Variants in SETD5 observed in about 807,000 individuals in gnomAD.
SETD5 encodes SET domain containing 5, also known as histone-lysine N-methyltransferase SETD5.
A neutral mutation model predicts 153.3 loss-of-function variants in SETD5; 44 were observed. The observed-to-expected ratio is 0.29, with a 90% CI of 0.23 to 0.37. The LOEUF (loss-of-function observed/expected upper bound fraction) is 0.37. SETD5 is among the 10% of genes least tolerant of loss of function. The pLI is 1.00. For missense variants in SETD5, 1,544 were observed against 1,768.0 expected, an observed-to-expected ratio of 0.87 and a Z score of 2.27; for synonymous variants, 716 against 645.2, an observed-to-expected ratio of 1.11 and a Z score of -1.66.
intron 1 of SETD5, among the ~76,000 whole-genome samples, chr3:9,422,932 C>T (rs185817628): frequency 1.3e-5 from 2 of 152,278 alleles, no homozygotes; most frequent in Admixed American, 1.3e-4. Flanking sequence ...GCATATGAGG[C>T]CTGTTCTCTT....
At position 9,434,669 on chromosome 3, in the gene SETD5, T is replaced by C; in HGVS notation, c.330-155T>C. On this transcript the variant is annotated intron_variant, in intron 5 of 22. Transcript: ENST00000402198. This position sits in a 1 kb window ranked among gnomAD's most constrained non-coding sequence, Gnocchi z 5.6. ...ACAACAAGGAATGAGAGATTGATGT[T>C]AAAGCTATTGAATTTGATATGAAAT... 6.1e-6 allele frequency: 9 copies of C among 1,465,682 alleles called. No individual in the cohort carries two copies. The highest frequency in any genetic ancestry group is 8.1e-6 in the Non-Finnish European group (9 of 1,108,606). 90.8% of individuals were successfully genotyped at this position (1,465,682 alleles called of 1,614,324 possible). A position where few individuals can be genotyped will look rare whatever the true frequency, so the allele number is the denominator to read the frequency against.
chr3:9,475,710 G>A lies in SETD5; in HGVS notation c.3948G>A (p.Gly1316=). ...CAGACTCGTTGGCCCCATTTACGGG[G>A]ACACCAGGGTATTTTAGCAGCCAGC... ...VSTDSLAPFT[G]TPGYFSSQPH... is the part of the protein sequence containing the mutation. The change falls in exon 23 of 23, where the codon GGG becomes GGA. Residue 1316 remains glycine, a synonymous_variant. Coordinates refer to ENST00000402198, the MANE Select transcript of SETD5 (RefSeq NM_001080517.3). 6.2e-7 allele frequency: 1 copy of A among 1,613,920 alleles called. No individual in the cohort carries two copies. The highest frequency in any genetic ancestry group is 8.5e-7 in the Non-Finnish European group (1 of 1,179,884).
intron 18 of SETD5, 144 bp from the exon 19 acceptor site, chr3:9,470,315 T>C (rs534491691): frequency 2.5e-5 from 17 of 674,558 alleles, no homozygotes; most frequent in African/African-American, 2.5e-4. Flanking sequence ...CGTGGGACTT[T>C]TACAGAATAT....
intron 16 of SETD5, among the ~76,000 whole-genome samples, chr3:9,451,789 G>A (rs10510399): frequency 0.064 from 9,751 of 152,148 alleles, 1,057 homozygotes; most frequent in African/African-American, 0.22. Flanking sequence ...TCCAAAACCT[G>A]TATTGCTTCC....
At chr3:9,471,877 G>GT (rs2045340423) in intron 19 of SETD5, among the ~76,000 whole-genome samples, 2 of 152,078 alleles carry the variant, frequency 1.3e-5, no homozygotes, top group South Asian at 2.1e-4. Context: ...AAACCTAGTG[G>GT]TTTTTTTATA....
At chr3:9,447,577 C>T (rs761052412) in intron 14 of SETD5, 109 bp from the exon 15 acceptor site, 1 of 1,254,224 alleles carries the variant, frequency 8.0e-7, no homozygotes, top group Non-Finnish European at 1.1e-6. Context: ...TGTTTCTAAT[C>T]CTTATATTTT....
At chr3:9,401,914 A>G (rs2034845115) in intron 1 of SETD5, among the ~76,000 whole-genome samples, 1 of 152,220 alleles carries the variant, frequency 6.6e-6, no homozygotes, top group African/African-American at 2.4e-5. Flanking sequence ...ATTTAGTGAT[A>G]TAACTGGTAG....
intron 18 of SETD5, chr3:9,464,956 G>A (rs2044382063): frequency 6.7e-6 from 3 of 450,212 alleles, no homozygotes; most frequent in African/African-American, 5.9e-5. Context: ...AAGCATGCTA[G>A]ATCTCCATCG....
intron 1 of SETD5, among the ~76,000 whole-genome samples, chr3:9,410,186 C>G (rs1649039406): frequency 6.6e-6 from 1 of 152,114 alleles, no homozygotes; most frequent in Admixed American, 6.5e-5. Context: ...CAGCATGTGA[C>G]CACTGGATAC....
chr3:9,442,750 G>A, intron 10 of SETD5: 1 of 170,194 alleles, frequency 5.9e-6, no homozygotes, highest in Non-Finnish European at 1.3e-5. Context: ...TATAAGATGT[G>A]AAAGCGGCTG....
At chr3:9,406,630 C>G (rs2035746187) in intron 1 of SETD5, among the ~76,000 whole-genome samples, 2 of 140,320 alleles carry the variant, frequency 1.4e-5, no homozygotes, top group African/African-American at 5.8e-5. Flanking sequence ...AAGAATAGAT[C>G]TGAGGAAAAT....
chr3:9,414,575 T>A (rs1230853441), intron 1 of SETD5, among the ~76,000 whole-genome samples: 3 of 152,194 alleles, frequency 2.0e-5, no homozygotes, highest in Non-Finnish European at 4.4e-5. Context: ...ATATACATTG[T>A]TTAGTCCTGT....
intron 1 of SETD5, among the ~76,000 whole-genome samples, chr3:9,401,847 C>G (rs1461789970): frequency 1.3e-5 from 2 of 152,172 alleles, no homozygotes; most frequent in Admixed American, 6.5e-5. Context: ...AAAACTGAAA[C>G]TTCTTGACCA....
At chr3:9,457,468 T>C (rs943749464) in intron 17 of SETD5, among the ~76,000 whole-genome samples, 2 of 151,720 alleles carry the variant, frequency 1.3e-5, no homozygotes, top group Non-Finnish European at 2.9e-5. Context: ...GCCTGGGCAA[T>C]AGAGTGAGAC....
At chr3:9,466,253 A>T (rs1308994155) in intron 18 of SETD5, among the ~76,000 whole-genome samples, 2 of 143,576 alleles carry the variant, frequency 1.4e-5, no homozygotes, top group Non-Finnish European at 3.0e-5. Flanking sequence ...GCGCCATTGC[A>T]CTCCAGCCTG....
intron 18 of SETD5, among the ~76,000 whole-genome samples, chr3:9,466,234 G>C (rs2044550668): frequency 6.9e-6 from 1 of 145,876 alleles, no homozygotes; most frequent in African/African-American, 2.6e-5. Flanking sequence ...CTTGCAGTGA[G>C]CCGAGATCGC....
intron 18 of SETD5, among the ~76,000 whole-genome samples, chr3:9,465,856 T>A (rs1170135650): frequency 6.6e-6 from 1 of 152,230 alleles, no homozygotes; most frequent in Non-Finnish European, 1.5e-5. Context: ...TTTGTCTACT[T>A]GCAATTGACT....
At chr3:9,468,459 T>G in intron 18 of SETD5, 1 of 1,290,582 alleles carries the variant, frequency 7.7e-7, no homozygotes, top group Admixed American at 2.3e-5. Flanking sequence ...ATTTTTTGTT[T>G]TGTTTTGCTT....
Position 9,440,650 on chromosome 3 carries a change from T to G in SETD5, c.762T>G (p.Asn254Lys), listed in dbSNP as rs1251698010. The G allele has an allele frequency of 6.8e-6, 11 of 1,613,704 alleles. No homozygotes were observed. Among genetic ancestry groups the G allele is most frequent in the Non-Finnish European group, 8.5e-6 (10 of 1,179,818 alleles). The part of the protein sequence containing the change: ...VGKPTILDTI[N>K]KTELACNNTV... ...AACCTACTATTTTAGACACTATTAATAAGACTGAATTGGCCTGTAATAACA... is the reference window on the plus strand; with the variant it reads ...AACCTACTATTTTAGACACTATTAAGAAGACTGAATTGGCCTGTAATAACA... The change falls in exon 8 of 23, where the codon AAT becomes AAG. Residue 254 changes from asparagine to lysine, a missense_variant. Physicochemically the swap from Asn to Lys is moderately conservative, Grantham distance 94. Coordinates refer to ENST00000402198, the MANE Select transcript of SETD5 (RefSeq NM_001080517.3).
Sources: gnomAD v4.1 joint callset for allele counts (sites outside exome capture counted in the v4.1 genomes callset) on GRCh38, gnomAD v4.1.1 for gene constraint, Gnocchi (gnomAD v3.1) non-coding constraint, MANE v1.5 for transcripts, NCBI Gene and HGNC (gene_info 2026-07-23, HGNC 2026-07-21) for gene names.